Variants in WNT2 observed in about 807,000 individuals in gnomAD.
The protein encoded by WNT2 is Wnt family member 2, also known as protein Wnt-2.
In WNT2, 12 loss-of-function variants were observed where a neutral mutation model predicts 36.9. The observed-to-expected ratio is 0.33, with a 90% CI of 0.21 to 0.53. The LOEUF is 0.53. WNT2 is among the 20% of genes least tolerant of loss of function. WNT2 has a pLI of 0.95. For synonymous variants in WNT2, 163 were observed against 174.6 expected (o/e 0.93, Z 0.52); for missense variants, 379 against 473.1 (o/e 0.80, Z 1.84).
Position 117,275,801 on chromosome 7 carries a change from C to T in WNT2, c.*2354G>A, listed in dbSNP as rs1407972227. ...ATATTTCATTCTCTTATTTTTCCCA[C>T]CTCAGTGGCAGGACCCACTGCCACT... On this transcript the variant is annotated 3_prime_UTR_variant, in exon 5 of 5. Transcript: ENST00000265441. Among the ~76,000 whole-genome samples, 1 of 152,206 alleles carries T rather than the reference C, an allele frequency of 6.6e-6. No homozygotes were observed. Among genetic ancestry groups the T allele is most frequent in the African/African-American group, 2.4e-5 (1 of 41,444 alleles).
At chr7:117,280,168 T>C (rs1181075432) in intron 4 of WNT2, among the ~76,000 whole-genome samples, 3 of 151,634 alleles carry the variant, frequency 2.0e-5, no homozygotes, top group African/African-American at 7.3e-5. Flanking sequence ...GGGGTCAGGG[T>C]GGAGGGTGGG....
intron 3 of WNT2, 100 bp from the exon 4 acceptor site, chr7:117,297,976 G>C: frequency 1.4e-6 from 2 of 1,437,318 alleles, no homozygotes; most frequent in Non-Finnish European, 1.9e-6. Context: ...TTCTCAGGAT[G>C]CTGGATCCTG....
intron 3 of WNT2, among the ~76,000 whole-genome samples, 161 bp downstream of exon 3, chr7:117,314,909 GT>G (rs1795185622): frequency 6.6e-6 from 1 of 152,214 alleles, no homozygotes; most frequent in Non-Finnish European, 1.5e-5. Flanking sequence ...TTTCAACCTA[GT>G]TGTTGGTATT....
chr7:117,305,696 G>A lies in WNT2; in HGVS notation c.589-7820C>T, dbSNP rs946611834. On this transcript the variant is annotated intron_variant, in intron 3 of 4. Coordinates refer to ENST00000265441, the MANE Select transcript of WNT2 (RefSeq NM_003391.3). ...TATGTTTTTGAGATGAGCTCTTGCT[G>A]TGTTGCCCAGGCTAGAGTGCAGTGA... Among the ~76,000 whole-genome samples the A allele has an allele frequency of 1.6e-3, 241 of 152,276 alleles. 1 individual carries two copies. Among genetic ancestry groups the A allele is most frequent in the African/African-American group, 5.7e-3 (236 of 41,544 alleles).
At chr7:117,298,418 G>A (rs1222007996) in intron 3 of WNT2, among the ~76,000 whole-genome samples, 1 of 152,156 alleles carries the variant, frequency 6.6e-6, no homozygotes, top group Non-Finnish European at 1.5e-5. Flanking sequence ...TGAGAGAGGT[G>A]GAAGCACTCA....
At chr7:117,320,277 G>A (rs931846577) in intron 2 of WNT2, among the ~76,000 whole-genome samples, 1 of 152,182 alleles carries the variant, frequency 6.6e-6, no homozygotes, top group African/African-American at 2.4e-5. Flanking sequence ...TCTTAGAGAC[G>A]AAGTCTGAAC....
intron 3 of WNT2, among the ~76,000 whole-genome samples, chr7:117,299,515 C>T (rs1263663598): frequency 7.1e-6 from 1 of 140,092 alleles, no homozygotes; most frequent in Non-Finnish European, 1.5e-5. Context: ...TTTTTTGAGA[C>T]AGAATCTCAC....
chr7:117,282,960 G>A (rs1043143867), intron 4 of WNT2, among the ~76,000 whole-genome samples: 1 of 152,174 alleles, frequency 6.6e-6, no homozygotes, highest in Non-Finnish European at 1.5e-5. Context: ...TGACTGAGTG[G>A]AGACTGGGGG....
At chr7:117,287,581 C>T (rs908268014) in intron 4 of WNT2, among the ~76,000 whole-genome samples, 2 of 152,236 alleles carry the variant, frequency 1.3e-5, no homozygotes, top group South Asian at 2.1e-4. Flanking sequence ...TCTTGTCTCC[C>T]CAGGGACAGG....
intron 3 of WNT2, among the ~76,000 whole-genome samples, chr7:117,311,232 C>T (rs1019917586): frequency 2.6e-5 from 4 of 152,166 alleles, no homozygotes; most frequent in African/African-American, 7.2e-5. Flanking sequence ...GATACACATT[C>T]ATTTTAGAAA....
chr7:117,300,315 T>C (rs938725598), intron 3 of WNT2, among the ~76,000 whole-genome samples: 1 of 152,150 alleles, frequency 6.6e-6, no homozygotes, highest in Non-Finnish European at 1.5e-5. Flanking sequence ...GCCTCCCGAA[T>C]AGCTGGGACT....
At position 117,278,099 on chromosome 7, in the gene WNT2, T is replaced by C. The variant is rs1334775068; in HGVS notation, c.*56A>G. On this transcript the variant is annotated 3_prime_UTR_variant, in exon 5 of 5. Coordinates refer to ENST00000265441, the MANE Select transcript of WNT2 (RefSeq NM_003391.3). ...AAAGAACCCAAAGGTCCAGTGTTCT[T>C]GCAGATCCAATGGAGTCCTTGTAGA... The C allele has an allele frequency of 6.3e-7, 1 of 1,580,974 alleles. No individual in the cohort carries two copies. The highest frequency in any genetic ancestry group is 1.3e-5 in the African/African-American group (1 of 74,452).
intron 2 of WNT2, chr7:117,320,330 T>C: frequency 1.9e-6 from 1 of 530,076 alleles, no homozygotes; most frequent in East Asian, 3.3e-5. Flanking sequence ...GAGCAAAGAG[T>C]GAAAAGACAA....
chr7:117,308,168 A>G (rs1795047715), intron 3 of WNT2, among the ~76,000 whole-genome samples: 1 of 152,084 alleles, frequency 6.6e-6, no homozygotes, highest in Non-Finnish European at 1.5e-5. Flanking sequence ...AAACATACAC[A>G]CTCTGGAACT....
intron 3 of WNT2, among the ~76,000 whole-genome samples, chr7:117,301,595 T>G (rs1030192631): frequency 1.3e-5 from 2 of 152,176 alleles, no homozygotes; most frequent in Non-Finnish European, 2.9e-5. Flanking sequence ...TAAGTTATCG[T>G]TCCCATTCTA....
intron 1 of WNT2, among the ~76,000 whole-genome samples, chr7:117,321,631 T>C (rs1165529236): frequency 6.6e-6 from 1 of 152,222 alleles, no homozygotes; most frequent in East Asian, 1.9e-4. Flanking sequence ...TGTCTTTTTC[T>C]TGTATTTTCA....
rs748475677 is a variant in WNT2 at position 117,297,790 on chromosome 7, G to A, written c.675C>T (p.Ala225=). 3.7e-6 allele frequency: 6 copies of A among 1,614,010 alleles called. No individual in the cohort carries two copies. Among genetic ancestry groups the A allele is most frequent in the Non-Finnish European group, 5.1e-6 (6 of 1,180,024 alleles). The change falls in exon 4 of 5, where the codon GCC becomes GCT. Residue 225 remains alanine (A), a synonymous_variant. Coordinates refer to ENST00000265441, the MANE Select transcript of WNT2 (RefSeq NM_003391.3). Reference sequence around the variant, plus strand: ...GATAATCGCCCGTTTTCCTGAAGTCGGCCATGGCCAGCCAGCATGTCCTGA... The same window carrying A: ...GATAATCGCCCGTTTTCCTGAAGTCAGCCATGGCCAGCCAGCATGTCCTGA... ...CTLRTCWLAM[A]DFRKTGDYLW...
intron 4 of WNT2, among the ~76,000 whole-genome samples, chr7:117,293,782 T>C (rs1794736304): frequency 6.6e-6 from 1 of 152,028 alleles, no homozygotes; most frequent in Non-Finnish European, 1.5e-5. Context: ...CTCAATAATG[T>C]GTGCATGCTG....
intron 4 of WNT2, among the ~76,000 whole-genome samples, chr7:117,289,426 T>C (rs984658362): frequency 5.9e-5 from 9 of 152,110 alleles, no homozygotes; most frequent in Non-Finnish European, 1.5e-5. Context: ...AAATGCCTCA[T>C]GAATGCGCCT....
Sources: allele counts gnomAD v4.1 joint callset (sites outside exome capture counted in the v4.1 genomes callset), GRCh38; gene constraint gnomAD v4.1.1; transcripts MANE v1.5; gene names NCBI Gene and HGNC (gene_info 2026-07-23, HGNC 2026-07-21).